TGM1: variants seen among roughly 807,000 people sequenced by gnomAD.
The protein encoded by TGM1 is transglutaminase 1, also known as protein-glutamine gamma-glutamyltransferase K.
TGM1 carries 63 observed loss-of-function variants against 88.7 expected under a neutral mutation model. That is an observed-to-expected ratio of 0.71 (90% confidence interval 0.58 to 0.88). The LOEUF (loss-of-function observed/expected upper bound fraction) is 0.88. Ranked by LOEUF, TGM1 falls within the 40% of genes least tolerant of loss-of-function variation. The pLI, the probability that TGM1 is intolerant of heterozygous loss-of-function variation, is 0.00. For synonymous variants in TGM1, 415 were observed against 431.1 expected (o/e 0.96, Z 0.46); for missense variants, 996 against 1,118.0 (o/e 0.89, Z 1.56).
intron 14 of TGM1, among the ~76,000 whole-genome samples, chr14:24,250,314 C>G (rs912534760): frequency 6.6e-6 from 1 of 152,086 alleles, no homozygotes; most frequent in African/African-American, 2.4e-5. Flanking sequence ...CACTAGTCCT[C>G]TAACGGGACT....
rs2229464 is a variant in TGM1 at position 24,255,080 on chromosome 14, G to T, written c.1819C>A (p.Arg607Ser). 2 of 1,614,032 alleles carry T rather than the reference G, an allele frequency of 1.2e-6. No individual in the cohort carries two copies. Among genetic ancestry groups the T allele is most frequent in the East Asian group, 2.2e-5 (1 of 44,898 alleles). The change falls in exon 12 of 15, where the codon CGC becomes AGC. Residue 607 changes from arginine to serine, a missense_variant. Arg to Ser is a moderately radical substitution (Grantham distance 110). Coordinates refer to ENST00000206765, the MANE Select transcript of TGM1 (RefSeq NM_000359.3). The surrounding 1 kb of genome is among the most constrained non-coding windows in gnomAD (Gnocchi z 4.0). ...TAGAGGTGCAGTTTCACTGTGCGGC[G>T]GCTGCTGCTGTGATTGATCAGCATC... Reference protein sequence around the residue: ...SVMLINHSSSRRTVKLHLYLS... With the variant: ...SVMLINHSSSSRTVKLHLYLS...
chr14:24,258,065 A>G (rs879698624), intron 9 of TGM1, among the ~76,000 whole-genome samples: 17 of 152,264 alleles, frequency 1.1e-4, no homozygotes, highest in Admixed American at 3.3e-4. Flanking sequence ...AATAAAATAA[A>G]CCATTATAAA....
At chr14:24,254,518 A>G (rs1041659298) in intron 13 of TGM1, 146 bp downstream of exon 13, 18 of 1,329,010 alleles carry the variant, frequency 1.4e-5, no homozygotes, top group Non-Finnish European at 1.8e-5. Flanking sequence ...AGATGAGGAA[A>G]CTGAGGCCCC....
intron 9 of TGM1, 129 bp from the exon 10 acceptor site, chr14:24,256,206 TG>T: frequency 1.3e-6 from 1 of 768,878 alleles, no homozygotes; most frequent in South Asian, 1.5e-5. Flanking sequence ...TGGTGGCCTC[TG>T]GAACAAGGTC....
Position 24,262,231 on chromosome 14 carries a change from C to T in TGM1, c.122G>A (p.Arg41His), listed in dbSNP as rs768398275. The T allele has an allele frequency of 5.0e-5, 80 of 1,613,752 alleles. No individual in the cohort carries two copies. The highest frequency in any genetic ancestry group is 5.3e-5 in the Non-Finnish European group (62 of 1,180,052). Reference sequence around the variant, plus strand: ...GCCACAGCAGCGAGCCCAGAAGGAACGGCCTCCTCCTCTGCGAGAGCGTCC... The same window carrying T: ...GCCACAGCAGCGAGCCCAGAAGGAATGGCCTCCTCCTCTGCGAGAGCGTCC... Reference protein sequence around the residue: ...PDGRSRRGGGRSFWARCCGCC... With the variant: ...PDGRSRRGGGHSFWARCCGCC... Residue 41 changes from arginine (R) to histidine (H), a missense_variant, in exon 2 of 15, where the codon CGT becomes CAT. Transcript: ENST00000206765.
intron 1 of TGM1, 22 bp from the exon 2 acceptor site, chr14:24,262,376 G>T (rs536454935): frequency 1.2e-6 from 2 of 1,612,180 alleles, no homozygotes; most frequent in South Asian, 2.2e-5. Flanking sequence ...AGGCAGGGTG[G>T]CTCCTTAACC....
intron 1 of TGM1, among the ~76,000 whole-genome samples, chr14:24,262,622 C>T (rs1026975382): frequency 3.9e-5 from 6 of 152,212 alleles, no homozygotes; most frequent in Non-Finnish European, 5.9e-5. Flanking sequence ...ACCCACTCAA[C>T]GATCCATCCC....
In TGM1 at chr14:24,255,599, C is replaced by T; in HGVS notation, c.1492-82G>A. The T allele has an allele frequency of 6.3e-7, 1 of 1,581,392 alleles. No homozygotes were observed. On this transcript the variant is annotated intron_variant, in intron 10 of 14. Transcript: ENST00000206765. This position sits in a 1 kb window ranked among gnomAD's most constrained non-coding sequence, Gnocchi z 4.0. ...GACTCCCGGCCTCCTTCCCCTGATC[C>T]CAGGAGCTATGGGACAGGGCTTGGT...
In TGM1 at chr14:24,258,545, C is replaced by A; in HGVS notation, c.1288G>T (p.Asp430Tyr). 6.2e-7 allele frequency: 1 copy of A among 1,602,568 alleles called. No individual in the cohort carries two copies. The highest frequency in any genetic ancestry group is 8.5e-7 in the Non-Finnish European group (1 of 1,173,328). Residue 430 changes from aspartate (D) to tyrosine (Y), a missense_variant, in exon 8 of 15, where the codon GAT (aspartate) becomes TAT (tyrosine). Transcript: ENST00000206765. The part of the protein sequence containing the change: ...NMKPLEHLNH[D>Y]SVWNFHVWND... ...TCCACCCCAGCTCACCAGACAGAAT[C>A]ATGGTTCAGGTGCTCCAGGGGCTTC...
rs747931513 is a variant in TGM1 at position 24,262,322 on chromosome 14, G to A, written c.31C>T (p.Arg11Cys). MMDGPRSDVG[R>C]WGGNPLQPPT... ...GGCTGCAAGGGGTTGCCACCCCAAC[G>A]GCCCACATCGGAACGTGGCCCATCC... Residue 11 changes from arginine (R) to cysteine (C), a missense_variant, in exon 2 of 15, where the codon CGT becomes TGT. Transcript: ENST00000206765. 1.7e-5 allele frequency: 28 copies of A among 1,613,636 alleles called. No homozygotes were observed. The highest frequency in any genetic ancestry group is 4.5e-5 in the East Asian group (2 of 44,884).
At position 24,249,489 on chromosome 14, in the gene TGM1, G is replaced by T. The variant is rs398122904; in HGVS notation, c.2278C>A (p.Arg760=). ...VTLRQSFVPV[R]PGPRQLIASL... ...GCAATGAGCTGGCGGGGGCCTGGTC[G>T]CACAGGCACAAACGACTGGCGCAGT... Residue 760 remains arginine (R), a synonymous_variant, in exon 15 of 15, where the codon CGA becomes AGA. Transcript: ENST00000206765. 3.1e-6 allele frequency: 5 copies of T among 1,613,922 alleles called. No individual in the cohort carries two copies. In the African/African-American group the frequency reaches 4.0e-5, roughly 13 times the overall value.
In TGM1 at chr14:24,260,069, A is replaced by G. The variant is rs1400495032; in HGVS notation, c.758-11T>C. 1 of 1,609,486 alleles carries G rather than the reference A, an allele frequency of 6.2e-7. No homozygotes were observed. The highest frequency in any genetic ancestry group is 8.5e-7 in the Non-Finnish European group (1 of 1,175,704). ...CGTACACAATGTCCTCTGTGTCCCCAGAACACACAAAACTGGTTCCCTCCA... is the reference window on the plus strand; with the variant it reads ...CGTACACAATGTCCTCTGTGTCCCCGGAACACACAAAACTGGTTCCCTCCA... On this transcript the variant is annotated splice_polypyrimidine_tract_variant and intron_variant, in intron 4 of 14. Transcript: ENST00000206765.
intron 4 of TGM1, 88 bp downstream of exon 4, chr14:24,260,362 C>G (rs2040797874): frequency 1.3e-6 from 2 of 1,578,746 alleles, no homozygotes; most frequent in Non-Finnish European, 1.7e-6. Flanking sequence ...GGGTCAGGCA[C>G]CTAGGCACCC....
chr14:24,259,839 G>A lies in TGM1; in HGVS notation c.877-28C>T. On this transcript the variant is annotated intron_variant, in intron 5 of 14. Coordinates refer to ENST00000206765, the MANE Select transcript of TGM1 (RefSeq NM_000359.3). This position sits in a 1 kb window ranked among gnomAD's most constrained non-coding sequence, Gnocchi z 5.7. ...GGAAGGAGGGATGGAGGGCAGAGGT[G>A]ACAGCCTGAACCCTAGGCCAGCACC... The A allele has an allele frequency of 6.2e-7, 1 of 1,610,774 alleles. No homozygotes were observed. Among genetic ancestry groups the A allele is most frequent in the Non-Finnish European group, 8.5e-7 (1 of 1,178,032 alleles).
In TGM1 at chr14:24,255,430, T is replaced by C. The variant is rs2040742258; in HGVS notation, c.1579A>G (p.Ile527Val). Residue 527 changes from isoleucine to valine, a missense_variant, in exon 11 of 15, where the codon ATT becomes GTT. Ile to Val is a conservative substitution (Grantham distance 29, BLOSUM62 3). Transcript: ENST00000206765. This position sits in a 1 kb window ranked among gnomAD's most constrained non-coding sequence, Gnocchi z 4.0. Reference protein sequence around the residue: ...YVEEKAIGTLIVTKAISSNMR... With the variant: ...YVEEKAIGTLVVTKAISSNMR... ...TTGGAGCTGATGGCCTTTGTGACAA[T>C]GAGTGTGCCGATGGCCTTCTCCTCC... is the stretch of plus-strand genomic sequence containing the variant. The C allele has an allele frequency of 1.2e-6, 2 of 1,614,026 alleles. No individual in the cohort carries two copies. The highest frequency in any genetic ancestry group is 3.3e-5 in the Admixed American group (2 of 59,996).
At position 24,259,861 on chromosome 14, in the gene TGM1, C is replaced by T; in HGVS notation, c.877-50G>A. 3 of 1,609,222 alleles carry T rather than the reference C, an allele frequency of 1.9e-6. No individual in the cohort carries two copies. Among genetic ancestry groups the T allele is most frequent in the Non-Finnish European group, 2.6e-6 (3 of 1,176,440 alleles). ...GGTGACAGCCTGAACCCTAGGCCAG[C>T]ACCCTGCTCCAATACCCCAGCCCCC... On this transcript the variant is annotated intron_variant, in intron 5 of 14. Transcript: ENST00000206765. The surrounding 1 kb of genome is among the most constrained non-coding windows in gnomAD (Gnocchi z 5.7).
At position 24,249,545 on chromosome 14, in the gene TGM1, T is replaced by G. The variant is rs760203576; in HGVS notation, c.2226-4A>C. On this transcript the variant is annotated splice_polypyrimidine_tract_variant and splice_region_variant and intron_variant, in intron 14 of 14. Coordinates refer to ENST00000206765, the MANE Select transcript of TGM1 (RefSeq NM_000359.3). ...TGTTTCATTGCCTCCAATGTCCCTG[T>G]GGGCAGAGACAAGGTCATGGGCCTG... 6.2e-7 allele frequency: 1 copy of G among 1,612,790 alleles called. No homozygotes were observed. Among genetic ancestry groups the G allele is most frequent in the Non-Finnish European group, 8.5e-7 (1 of 1,179,198 alleles).
In TGM1 at chr14:24,259,400, C is replaced by T. The variant is rs575252738; in HGVS notation, c.985-151G>A. 1.7e-5 allele frequency: 14 copies of T among 823,220 alleles called. No individual in the cohort carries two copies. The African/African-American group carries it at 2.0e-4, about 12-fold the overall frequency. 51.0% of individuals were successfully genotyped at this position (823,220 alleles called of 1,614,324 possible). ...AGACACCAGCCTGAGCTCCACCCAGCCCTTCCCTCAGCCATCTGCCCCCCT... is the reference window on the plus strand; with the variant it reads ...AGACACCAGCCTGAGCTCCACCCAGTCCTTCCCTCAGCCATCTGCCCCCCT... On this transcript the variant is annotated intron_variant, in intron 6 of 14. Transcript: ENST00000206765. The surrounding 1 kb of genome is among the most constrained non-coding windows in gnomAD (Gnocchi z 5.7).
In TGM1 at chr14:24,259,797, C is replaced by A; in HGVS notation, c.891G>T (p.Val297=). The A allele has an allele frequency of 6.2e-7, 1 of 1,613,214 alleles. No individual in the cohort carries two copies. The highest frequency in any genetic ancestry group is 8.5e-7 in the Non-Finnish European group (1 of 1,179,912). ...CCAGGATGTATAAGCAGGCATCCAG[C>A]ACCCCGTGGTCAAACTGGAAGGAGG... ...TWNYGQFDHG[V]LDACLYILDR... The change falls in exon 6 of 15, where the codon GTG becomes GTT. Residue 297 remains valine, a synonymous_variant. Transcript: ENST00000206765. This position sits in a 1 kb window ranked among gnomAD's most constrained non-coding sequence, Gnocchi z 5.7.
Sources: gnomAD v4.1 joint callset for allele counts (sites outside exome capture counted in the v4.1 genomes callset) on GRCh38, gnomAD v4.1.1 for gene constraint, Gnocchi (gnomAD v3.1) non-coding constraint, MANE v1.5 for transcripts, NCBI Gene and HGNC (gene_info 2026-07-23, HGNC 2026-07-21) for gene names.